IDE: variants seen among roughly 807,000 people sequenced by gnomAD.
IDE encodes insulin degrading enzyme.
A neutral mutation model predicts 133.2 loss-of-function variants in IDE; 58 were observed. That is an observed-to-expected ratio of 0.44 (90% CI 0.35 to 0.54). The LOEUF is 0.54. Among genes scored for constraint, IDE ranks in the 20% least tolerant of loss-of-function variants. IDE has a pLI of 0.00. For missense variants in IDE, 981 were observed against 1,234.0 expected (o/e 0.79, Z 3.07); for synonymous variants, 396 against 421.3 (o/e 0.94, Z 0.73).
chr10:92,516,252 G>C (rs1401927721), intron 4 of IDE, among the ~76,000 whole-genome samples: 1 of 151,966 alleles, frequency 6.6e-6, no homozygotes, highest in Non-Finnish European at 1.5e-5. Flanking sequence ...CCAGCACTTT[G>C]GGAGGCCAAG....
At chr10:92,516,495 A>C (rs1247870181) in intron 4 of IDE, among the ~76,000 whole-genome samples, 1 of 152,192 alleles carries the variant, frequency 6.6e-6, no homozygotes, top group Non-Finnish European at 1.5e-5. Context: ...GTCTCAAAAA[A>C]ATATGTCTAT....
chr10:92,488,848 T>C (rs759838994), intron 12 of IDE, among the ~76,000 whole-genome samples: 2 of 151,300 alleles, frequency 1.3e-5, no homozygotes, highest in Non-Finnish European at 2.9e-5. Flanking sequence ...ACTGGATCTG[T>C]TTCCTGTTCT....
At chr10:92,557,267 C>A (rs1439790556) in intron 1 of IDE, among the ~76,000 whole-genome samples, 2 of 151,918 alleles carry the variant, frequency 1.3e-5, no homozygotes, top group Non-Finnish European at 2.9e-5. Flanking sequence ...CCAGGCACGG[C>A]GGCTCACACC....
At position 92,534,768 on chromosome 10, in the gene IDE, G is replaced by A; in HGVS notation, c.301C>T (p.Pro101Ser). The change falls in exon 3 of 25, where the codon CCA becomes TCA. Residue 101 changes from proline (P) to serine (S), a missense_variant. By Grantham distance (74) the Pro-to-Ser change is moderately conservative (BLOSUM62 -1). Transcript: ENST00000265986. ...DVHIGSLSDPPNIAGLSHFCE... is the reference protein window; with the variant it reads ...DVHIGSLSDPSNIAGLSHFCE... Reference sequence around the variant, plus strand: ...AAATGACTTAAGCCAGCAATATTTGGAGGATCCGACAATGAACCTGAAAGA... The same window carrying A: ...AAATGACTTAAGCCAGCAATATTTGAAGGATCCGACAATGAACCTGAAAGA... 2 of 1,613,214 alleles carry A rather than the reference G, an allele frequency of 1.2e-6. No homozygotes were observed. The highest frequency in any genetic ancestry group is 2.2e-5 in the East Asian group (1 of 44,838).
At chr10:92,514,845 C>T in intron 5 of IDE, 75 bp downstream of exon 5, 1 of 1,271,924 alleles carries the variant, frequency 7.9e-7, no homozygotes, top group Non-Finnish European at 1.1e-6. Context: ...TTATATCCAT[C>T]TTCTAACACT....
chr10:92,500,297 C>CAA (rs768728745), intron 11 of IDE, among the ~76,000 whole-genome samples: 20 of 94,196 alleles, frequency 2.1e-4, no homozygotes, highest in African/African-American at 7.4e-4. Context: ...AACTCCATCT[C>CAA]AAAAAAAAAA....
intron 19 of IDE, among the ~76,000 whole-genome samples, chr10:92,466,622 C>CTT (rs369307614): frequency 7.3e-6 from 1 of 136,882 alleles, no homozygotes. Context: ...TGGCCCTTTT[C>CTT]TTTTTTTTTT....
chr10:92,454,522 G>A lies in IDE; in HGVS notation c.2982C>T (p.Asn994=). 6.2e-7 allele frequency: 1 copy of A among 1,613,540 alleles called. No individual in the cohort carries two copies. Among genetic ancestry groups the A allele is most frequent in the Non-Finnish European group, 8.5e-7 (1 of 1,179,474 alleles). The change falls in exon 25 of 25, where the codon AAC becomes AAT. Residue 994 remains asparagine, a synonymous_variant. Transcript: ENST00000265986. ...GCAGACCACGCTTGAATTCGGTCAT[G>A]TTCTGAATCACTTCAGGCTGCAAAG... The part of the protein sequence containing the change: ...PALPQPEVIQ[N]MTEFKRGLPL...
intron 4 of IDE, among the ~76,000 whole-genome samples, 189 bp downstream of exon 4, chr10:92,531,559 G>T (rs938538839): frequency 6.6e-6 from 1 of 152,074 alleles, no homozygotes; most frequent in African/African-American, 2.4e-5. Context: ...AACCCTATTT[G>T]AACAGGATGT....
intron 11 of IDE, among the ~76,000 whole-genome samples, chr10:92,495,581 C>G (rs1847637944): frequency 6.6e-6 from 1 of 151,958 alleles, no homozygotes; most frequent in South Asian, 2.1e-4. Context: ...CAACTCCTGA[C>G]CTCAGGTGAT....
intron 11 of IDE, among the ~76,000 whole-genome samples, chr10:92,495,273 T>G (rs993389312): frequency 1.4e-5 from 2 of 145,536 alleles, no homozygotes; most frequent in Admixed American, 7.3e-5. Context: ...CAGGCTGGAG[T>G]GCAGTGGCGC....
chr10:92,531,749 T>C lies in IDE; in HGVS notation c.660A>G (p.Thr220=), dbSNP rs769767284. The C allele has an allele frequency of 6.4e-7, 1 of 1,573,580 alleles. No homozygotes were observed. The highest frequency in any genetic ancestry group is 8.6e-7 in the Non-Finnish European group (1 of 1,156,088). Reference sequence around the variant, plus strand: ...CAAGGAAAGCAGCTGTTGACAAACCTGTCCCAAATTTACTGAAGGGGTGTT... The same window carrying C: ...CAAGGAAAGCAGCTGTTGACAAACCCGTCCCAAATTTACTGAAGGGGTGTT... ...NPKHPFSKFG[T]GNKYTLETRP... The change falls in exon 4 of 25, where the codon ACA becomes ACG. Residue 220 remains threonine (T), a splice_region_variant and synonymous_variant. Coordinates refer to ENST00000265986, the MANE Select transcript of IDE (RefSeq NM_004969.4).
chr10:92,493,061 G>A (rs1847456753), intron 11 of IDE, among the ~76,000 whole-genome samples: 2 of 152,216 alleles, frequency 1.3e-5, no homozygotes, highest in Admixed American at 1.3e-4. Context: ...GAAAGATACA[G>A]AGGAATCAGA....
chr10:92,491,561 C>A (rs1432242939), intron 11 of IDE, among the ~76,000 whole-genome samples: 4 of 151,852 alleles, frequency 2.6e-5, no homozygotes, highest in African/African-American at 9.7e-5. Context: ...CTCAGCCTCC[C>A]AAGTAGCTGG....
chr10:92,460,974 G>A (rs1272778094), intron 22 of IDE, among the ~76,000 whole-genome samples: 2 of 152,106 alleles, frequency 1.3e-5, no homozygotes, highest in African/African-American at 4.8e-5. Flanking sequence ...CTGAGTAGCT[G>A]GGATTACAGG....
chr10:92,552,799 A>G (rs1842841592), intron 1 of IDE, among the ~76,000 whole-genome samples: 4 of 141,816 alleles, frequency 2.8e-5, no homozygotes, highest in Admixed American at 2.1e-4. Flanking sequence ...CAGAGATTGC[A>G]ATGAGCCGAG....
intron 11 of IDE, among the ~76,000 whole-genome samples, chr10:92,498,460 T>TA (rs972944379): frequency 3.0e-4 from 42 of 138,830 alleles, no homozygotes; most frequent in African/African-American, 9.7e-4. Flanking sequence ...TTGTCTCTAC[T>TA]AAAAAAAAAT....
intron 11 of IDE, among the ~76,000 whole-genome samples, chr10:92,496,166 C>T (rs112181559): frequency 9.5e-4 from 144 of 152,250 alleles, no homozygotes; most frequent in African/African-American, 3.0e-3. Flanking sequence ...TGAGCCACCA[C>T]GCCTGGCCTA....
intron 11 of IDE, among the ~76,000 whole-genome samples, chr10:92,495,081 T>G (rs2135482358): frequency 6.6e-6 from 1 of 152,006 alleles, no homozygotes; most frequent in Non-Finnish European, 1.5e-5. Context: ...TTTTTTTTTT[T>G]GAGACGGAGT....
Sources: allele counts gnomAD v4.1 joint callset (sites outside exome capture counted in the v4.1 genomes callset), GRCh38; gene constraint gnomAD v4.1.1; transcripts MANE v1.5; gene names NCBI Gene and HGNC (gene_info 2026-07-23, HGNC 2026-07-21).